UTP4: variants seen among roughly 807,000 people sequenced by gnomAD.
UTP4 encodes U3 small nucleolar RNA-associated protein 4 homolog.
UTP4 carries 45 observed loss-of-function variants against 82.4 expected under a neutral mutation model. The observed-to-expected ratio is 0.55, with a 90% CI of 0.43 to 0.70. The LOEUF (loss-of-function observed/expected upper bound fraction) is 0.70. Among genes scored for constraint, UTP4 ranks in the 30% least tolerant of loss-of-function variants. The pLI, the probability that UTP4 is intolerant of heterozygous loss-of-function variation, is 0.00. For missense variants in UTP4, 819 were observed against 858.3 expected, an observed-to-expected ratio of 0.95 and a Z score of 0.57; for synonymous variants, 348 against 300.3, an observed-to-expected ratio of 1.16 and a Z score of -1.64.
chr16:69,160,337 A>C lies in UTP4; in HGVS notation c.1445-19A>C, dbSNP rs1272986264. The C allele has an allele frequency of 6.3e-6, 10 of 1,592,900 alleles. No homozygotes were observed. The highest frequency in any genetic ancestry group is 8.6e-6 in the Non-Finnish European group (10 of 1,160,498). On this transcript the variant is annotated intron_variant, in intron 12 of 16. Coordinates refer to ENST00000314423, the MANE Select transcript of UTP4 (RefSeq NM_032830.3). ...GGACACTGTGTGAATTCAGAGATGT[A>C]ACTGTTTTGTCCTCACAGGAACAGT...
chr16:69,168,486 G>A (rs541963114), intron 16 of UTP4, among the ~76,000 whole-genome samples: 7 of 149,494 alleles, frequency 4.7e-5, no homozygotes, highest in Non-Finnish European at 7.4e-5. Context: ...AGGCGCAGCC[G>A]TGCACACCTA....
At chr16:69,154,805 C>T (rs954878607) in intron 10 of UTP4, among the ~76,000 whole-genome samples, 2 of 151,788 alleles carry the variant, frequency 1.3e-5, no homozygotes, top group African/African-American at 2.4e-5. Flanking sequence ...CTCAGCTCAC[C>T]GAAACCTCCG....
chr16:69,155,723 A>G (rs1963391898), intron 10 of UTP4, 148 bp from the exon 11 acceptor site: 6 of 829,352 alleles, frequency 7.2e-6, no homozygotes, highest in Non-Finnish European at 1.2e-5. Flanking sequence ...TGAAATAATC[A>G]TATTAATGCA....
chr16:69,168,912 T>C lies in UTP4; in HGVS notation c.2036T>C (p.Ile679Thr), dbSNP rs1963771830. 2 of 1,613,194 alleles carry C rather than the reference T, an allele frequency of 1.2e-6. No individual in the cohort carries two copies. Among genetic ancestry groups the C allele is most frequent in the Admixed American group, 1.7e-5 (1 of 59,976 alleles). The change falls in exon 17 of 17, where the codon ATT becomes ACT. Residue 679 changes from isoleucine (I) to threonine (T), a missense_variant. Ile to Thr is a moderately conservative substitution (Grantham distance 89, BLOSUM62 -1). Transcript: ENST00000314423. ...ATCATTGCTCAGCTCCCACCACCCA[T>C]TAAAAAGAAGAAATTTGGAACCTAA... is the stretch of plus-strand genomic sequence containing the variant. Reference protein sequence around the residue: ...DDIIAQLPPPIKKKKFGT With the variant: ...DDIIAQLPPPTKKKKFGT
chr16:69,142,614 T>A (rs1962989947), intron 5 of UTP4, among the ~76,000 whole-genome samples: 2 of 152,192 alleles, frequency 1.3e-5, no homozygotes. Context: ...ATCAGGTGGC[T>A]TCTTGGCTTT....
At chr16:69,150,397 A>G (rs912483253) in intron 6 of UTP4, 140 bp from the exon 7 acceptor site, 1 of 954,948 alleles carries the variant, frequency 1.0e-6, no homozygotes. Context: ...AGCTTCTGGA[A>G]GGAAAAGACC....
intron 16 of UTP4, among the ~76,000 whole-genome samples, chr16:69,168,160 G>A (rs1963746180): frequency 6.6e-6 from 1 of 151,688 alleles, no homozygotes; most frequent in Admixed American, 6.6e-5. Flanking sequence ...ATCTTGGCCG[G>A]GCGCAGTGGC....
intron 6 of UTP4, among the ~76,000 whole-genome samples, chr16:69,144,915 ACGGAT>A: frequency 1.3e-5 from 2 of 152,194 alleles, no homozygotes; most frequent in South Asian, 4.2e-4. Context: ...GCCAAGGCGG[ACGGAT>A]CACCTGAGGT....
In UTP4 at chr16:69,143,278, C is replaced by T. The variant is rs201916333; in HGVS notation, c.627C>T (p.Ile209=). 6.2e-7 allele frequency: 1 copy of T among 1,614,226 alleles called. No homozygotes were observed. Among genetic ancestry groups the T allele is most frequent in the African/African-American group, 1.3e-5 (1 of 75,060 alleles). ...TCGCCTTCTTGTCCGATGGCACTAT[C>T]ATAAGTGTGGACTCTGCTGGGAAGG... is the stretch of plus-strand genomic sequence containing the variant. ...WGVAFLSDGT[I]ISVDSAGKVQ... is the part of the protein sequence containing the mutation. The change falls in exon 6 of 17, where the codon ATC becomes ATT. Residue 209 remains isoleucine (I), a synonymous_variant. Transcript: ENST00000314423.
chr16:69,159,605 T>C (rs1963512005), intron 12 of UTP4, among the ~76,000 whole-genome samples: 1 of 151,778 alleles, frequency 6.6e-6, no homozygotes, highest in South Asian at 2.1e-4. Flanking sequence ...GGAGAATGGC[T>C]TGAACCCGAG....
chr16:69,163,253 C>T (rs558401780), intron 14 of UTP4, 75 bp downstream of exon 14: 19 of 1,239,828 alleles, frequency 1.5e-5, no homozygotes, highest in Middle Eastern at 1.9e-4. Context: ...TGGGCAGTTG[C>T]GGGGAGCTTT....
chr16:69,150,775 A>G, intron 7 of UTP4, 38 bp from the exon 8 acceptor site: 1 of 1,613,226 alleles, frequency 6.2e-7, no homozygotes, highest in Non-Finnish European at 8.5e-7. Flanking sequence ...CGTGAGGATG[A>G]CTTCTAATTC....
At chr16:69,147,807 G>A (rs187639043) in intron 6 of UTP4, among the ~76,000 whole-genome samples, 3 of 152,262 alleles carry the variant, frequency 2.0e-5, no homozygotes, top group Non-Finnish European at 4.4e-5. Flanking sequence ...CAGCAGATGA[G>A]GTCAGATGTG....
intron 13 of UTP4, 80 bp from the exon 14 acceptor site, chr16:69,163,003 C>A: frequency 8.9e-7 from 1 of 1,117,874 alleles, no homozygotes. Context: ...AGTATTTAAA[C>A]CCCTGACCTA....
intron 14 of UTP4, among the ~76,000 whole-genome samples, chr16:69,163,699 C>T (rs1448555897): frequency 4.0e-5 from 6 of 150,992 alleles, no homozygotes; most frequent in Non-Finnish European, 8.9e-5. Flanking sequence ...AAAAAAAAAC[C>T]TGGGCTGCGG....
At chr16:69,138,981 T>TC (rs1357688264) in intron 4 of UTP4, 1 of 148,870 alleles carries the variant, frequency 6.7e-6, no homozygotes, top group Non-Finnish European at 1.5e-5. Context: ...TTTTTTTTTT[T>TC]TTCCTGAGAT....
intron 13 of UTP4, among the ~76,000 whole-genome samples, chr16:69,162,202 C>G (rs1363765456): frequency 6.6e-6 from 1 of 150,582 alleles, no homozygotes; most frequent in Non-Finnish European, 1.5e-5. Flanking sequence ...CTCCTGACCT[C>G]GTGATCCGCC....
intron 14 of UTP4, among the ~76,000 whole-genome samples, chr16:69,164,758 A>G (rs1444728147): frequency 2.0e-5 from 3 of 151,976 alleles, no homozygotes; most frequent in Non-Finnish European, 2.9e-5. Flanking sequence ...ATCATGATAC[A>G]TGGACAAAAT....
chr16:69,150,617 T>C lies in UTP4; in HGVS notation c.819T>C (p.Ser273=). ...TGGTCCCTGTGACATCTAACAGCAG[T>C]GAGAAGCAGTGGGTGCGGACAAAAC... ...FQLVPVTSNS[S]EKQWVRTKPF... The change falls in exon 7 of 17, where the codon AGT becomes AGC. Residue 273 remains serine, a synonymous_variant. Transcript: ENST00000314423. The C allele has an allele frequency of 6.2e-7, 1 of 1,614,220 alleles. No individual in the cohort carries two copies. The highest frequency in any genetic ancestry group is 8.5e-7 in the Non-Finnish European group (1 of 1,180,040).
Sources: gnomAD v4.1 joint callset for allele counts (sites outside exome capture counted in the v4.1 genomes callset) on GRCh38, gnomAD v4.1.1 for gene constraint, MANE v1.5 for transcripts, NCBI Gene and HGNC (gene_info 2026-07-23, HGNC 2026-07-21) for gene names.